GATB: variants seen among roughly 807,000 people sequenced by gnomAD.
The protein encoded by GATB is glutamyl-tRNA(Gln) amidotransferase subunit B, mitochondrial.
In GATB, 39 loss-of-function variants were observed where a neutral mutation model predicts 62.3. The observed-to-expected ratio is 0.63, with a 90% CI of 0.48 to 0.82. The LOEUF (loss-of-function observed/expected upper bound fraction) is 0.82. Among genes scored for constraint, GATB ranks in the 40% least tolerant of loss-of-function variants. The probability of loss-of-function intolerance (pLI) is 0.00; values close to 1 mark genes in which losing one functional copy is unlikely to be tolerated. For missense variants in GATB, 670 were observed against 684.0 expected (o/e 0.98, Z 0.23); for synonymous variants, 276 against 258.9 (o/e 1.07, Z -0.63).
chr4:151,760,994 G>C lies in GATB; in HGVS notation c.-12C>G, dbSNP rs765405681. The C allele has an allele frequency of 6.2e-7, 1 of 1,602,742 alleles. No individual in the cohort carries two copies. On this transcript the variant is annotated 5_prime_UTR_variant, in exon 1 of 13. Transcript: ENST00000263985. ...ATGGGCGCCGCCATTGTAACTCCAG[G>C]GTCTTGGTCAGGTGACTCAGCCTCA... is the stretch of plus-strand genomic sequence containing the variant.
At chr4:151,689,855 A>G (rs1738328238) in intron 9 of GATB, among the ~76,000 whole-genome samples, 1 of 152,166 alleles carries the variant, frequency 6.6e-6, no homozygotes, top group Non-Finnish European at 1.5e-5. Flanking sequence ...GCTTGCTGCC[A>G]GCTCAGATAG....
intron 2 of GATB, among the ~76,000 whole-genome samples, chr4:151,753,107 T>C (rs1052474816): frequency 6.6e-6 from 1 of 152,150 alleles, no homozygotes; most frequent in African/African-American, 2.4e-5. Context: ...GGAAAAGAAC[T>C]GGGTAGGTCC....
chr4:151,705,156 G>C (rs745450991), intron 7 of GATB, 29 bp downstream of exon 7: 2 of 1,547,968 alleles, frequency 1.3e-6, no homozygotes, highest in Admixed American at 3.3e-5. Flanking sequence ...CCCCGGCTGT[G>C]GTCAGGACGC....
chr4:151,723,226 T>C (rs545404597), intron 2 of GATB: 1 of 152,244 alleles, frequency 6.6e-6, no homozygotes, highest in East Asian at 1.9e-4. Context: ...TCAGGAGGTG[T>C]GCTGCACATC....
At chr4:151,710,256 C>T (rs1323564211) in intron 5 of GATB, among the ~76,000 whole-genome samples, 4 of 152,220 alleles carry the variant, frequency 2.6e-5, no homozygotes, top group African/African-American at 7.2e-5. Context: ...GCATCACTCT[C>T]AGTTATCCCT....
At chr4:151,698,991 T>TG (rs1309580961) in intron 9 of GATB, among the ~76,000 whole-genome samples, 3 of 151,880 alleles carry the variant, frequency 2.0e-5, no homozygotes, top group Non-Finnish European at 4.4e-5. Flanking sequence ...GTGGGGTGTG[T>TG]GTGTGTGTGC....
intron 2 of GATB, among the ~76,000 whole-genome samples, chr4:151,757,040 C>G (rs1402900557): frequency 1.3e-5 from 2 of 152,186 alleles, no homozygotes; most frequent in African/African-American, 4.8e-5. Context: ...GGTGTTATGA[C>G]AACTTGCCTT....
At chr4:151,743,217 A>G (rs555926126) in intron 2 of GATB, among the ~76,000 whole-genome samples, 2 of 152,388 alleles carry the variant, frequency 1.3e-5, no homozygotes, top group East Asian at 3.8e-4. Flanking sequence ...AGCTGCCCAT[A>G]GACAGGCCTG....
In GATB at chr4:151,688,782, GA is replaced by G. The variant is rs1738305521; in HGVS notation, c.1198-20del. On this transcript the variant is annotated intron_variant, in intron 9 of 12. Coordinates refer to ENST00000263985, the MANE Select transcript of GATB (RefSeq NM_004564.3). ...CTTCGTTCTGTTAAAAAAAAAAAAAGAAAATTACATAAAGCCTCCCCAAAAA... is the reference window on the plus strand; with the variant it reads ...CTTCGTTCTGTTAAAAAAAAAAAAAGAAATTACATAAAGCCTCCCCAAAAA... 2.6e-6 allele frequency: 4 copies of G among 1,529,538 alleles called. No individual in the cohort carries two copies. The highest frequency in any genetic ancestry group is 2.9e-5 in the African/African-American group (2 of 68,860). The allele number at this position is 1,529,538 out of a possible 1,614,324, so 94.7% of individuals were successfully genotyped here.
intron 2 of GATB, among the ~76,000 whole-genome samples, chr4:151,740,715 C>T (rs1739467555): frequency 6.6e-6 from 1 of 152,182 alleles, no homozygotes; most frequent in Non-Finnish European, 1.5e-5. Context: ...CATGTATTGC[C>T]TTTGCAGGAA....
chr4:151,751,410 C>A (rs1371870552), intron 2 of GATB, among the ~76,000 whole-genome samples: 3 of 152,122 alleles, frequency 2.0e-5, no homozygotes, highest in Non-Finnish European at 2.9e-5. Flanking sequence ...AAACAAAACA[C>A]AAATACAATC....
chr4:151,722,701 T>C (rs1739054809), intron 2 of GATB: 1 of 155,698 alleles, frequency 6.4e-6, no homozygotes, highest in African/African-American at 2.4e-5. Flanking sequence ...GGATTGAATT[T>C]GTTCACATGT....
chr4:151,735,737 T>TATATATATATATATATATATATATAC (rs1739359729), intron 2 of GATB, among the ~76,000 whole-genome samples: 1 of 84,806 alleles, frequency 1.2e-5, no homozygotes. Flanking sequence ...AACTGTGGTG[T>TATATATATATATATATATATATATAC]ATATATATAT....
intron 3 of GATB, among the ~76,000 whole-genome samples, chr4:151,719,024 A>G (rs1309235259): frequency 6.6e-6 from 1 of 152,192 alleles, no homozygotes; most frequent in Non-Finnish European, 1.5e-5. Context: ...GGGAACTTCA[A>G]CTTAAAAGCG....
At chr4:151,719,386 T>G in intron 3 of GATB, 39 bp downstream of exon 3, 9 of 1,458,192 alleles carry the variant, frequency 6.2e-6, no homozygotes, top group South Asian at 1.2e-5. Context: ...GGCCCAGCTC[T>G]GAGAACTTGC....
intron 9 of GATB, among the ~76,000 whole-genome samples, chr4:151,698,810 C>T (rs34854256): frequency 0.013 from 2,013 of 152,110 alleles, 20 homozygotes; most frequent in Middle Eastern, 0.027. Context: ...TATCTGCAAG[C>T]CATAAAAATA....
At chr4:151,689,761 A>G (rs1333092363) in intron 9 of GATB, among the ~76,000 whole-genome samples, 1 of 152,152 alleles carries the variant, frequency 6.6e-6, no homozygotes, top group Non-Finnish European at 1.5e-5. Context: ...CATTCTTATC[A>G]TACCATGTTC....
chr4:151,732,393 T>C (rs1739286677), intron 2 of GATB, among the ~76,000 whole-genome samples: 1 of 152,224 alleles, frequency 6.6e-6, no homozygotes, highest in Non-Finnish European at 1.5e-5. Flanking sequence ...TCTTCTGCCT[T>C]GGGATGCTGT....
At chr4:151,736,064 G>T (rs1739367485) in intron 2 of GATB, among the ~76,000 whole-genome samples, 1 of 152,002 alleles carries the variant, frequency 6.6e-6, no homozygotes, top group African/African-American at 2.4e-5. Flanking sequence ...CCCACATCCT[G>T]CCACTTCCAT....
Sources: gnomAD v4.1 joint callset for allele counts (sites outside exome capture counted in the v4.1 genomes callset) on GRCh38, gnomAD v4.1.1 for gene constraint, MANE v1.5 for transcripts, NCBI Gene and HGNC (gene_info 2026-07-23, HGNC 2026-07-21) for gene names.